GLS: variants seen among roughly 807,000 people sequenced by gnomAD.
The protein encoded by GLS is glutaminase, also known as glutaminase kidney isoform, mitochondrial.
A neutral mutation model predicts 86.7 loss-of-function variants in GLS; 36 were observed. The ratio of observed to expected loss-of-function variants is 0.42; its 90% CI spans 0.32 to 0.55. GLS has a LOEUF of 0.55. Ranked by LOEUF, GLS falls within the 20% of genes least tolerant of loss-of-function variation. The pLI, the probability that GLS is intolerant of heterozygous loss-of-function variation, is 0.17. For missense variants in GLS, 528 were observed against 833.4 expected, an observed-to-expected ratio of 0.63 and a Z score of 4.51; for synonymous variants, 317 against 305.9, an observed-to-expected ratio of 1.04 and a Z score of -0.38.
intron 7 of GLS, among the ~76,000 whole-genome samples, chr2:190,915,603 A>T (rs976726982): frequency 6.6e-6 from 1 of 152,198 alleles, no homozygotes; most frequent in Non-Finnish European, 1.5e-5. Context: ...TTTTAAGATA[A>T]GTCAGTTTCA....
chr2:190,914,979 T>G lies in GLS; in HGVS notation c.1038+4658T>G, dbSNP rs74271715. ...CAGTATTCTTCAAAGGAATGTAAATTCTGTAACTTGACAGGCATATTTACA... is the reference window on the plus strand; with the variant it reads ...CAGTATTCTTCAAAGGAATGTAAATGCTGTAACTTGACAGGCATATTTACA... On this transcript the variant is annotated intron_variant, in intron 7 of 17. Transcript: ENST00000320717. This position sits in a 1 kb window ranked among gnomAD's most constrained non-coding sequence, Gnocchi z 4.4. Among the ~76,000 whole-genome samples the G allele has an allele frequency of 7.4e-3, 1,130 of 152,240 alleles. 29 individuals are homozygous for G. The highest frequency in any genetic ancestry group is 0.053 in the East Asian group (275 of 5,188).
intron 5 of GLS, among the ~76,000 whole-genome samples, chr2:190,902,379 T>A (rs774032103): frequency 6.6e-6 from 1 of 152,192 alleles, no homozygotes; most frequent in Non-Finnish European, 1.5e-5. Context: ...CAACTTAACA[T>A]TGGTAACCCA....
intron 14 of GLS, among the ~76,000 whole-genome samples, chr2:190,940,475 C>CA (rs1357744917): frequency 6.6e-6 from 1 of 151,826 alleles, no homozygotes; most frequent in African/African-American, 2.4e-5. Flanking sequence ...AAAGGATAAC[C>CA]AAAAAAATAA....
intron 14 of GLS, chr2:190,933,936 T>C: frequency 1.1e-6 from 1 of 915,950 alleles, no homozygotes; most frequent in Non-Finnish European, 1.3e-6. Context: ...AAAAATGCAA[T>C]ATTGAGAATC....
At chr2:190,912,696 G>A (rs780294346) in intron 7 of GLS, among the ~76,000 whole-genome samples, 10 of 152,202 alleles carry the variant, frequency 6.6e-5, no homozygotes, top group Admixed American at 5.9e-4. Context: ...GATACTCAAT[G>A]TGCTGTTCAT....
intron 1 of GLS, among the ~76,000 whole-genome samples, chr2:190,893,556 A>G (rs573742041): frequency 1.3e-5 from 2 of 152,312 alleles, no homozygotes; most frequent in East Asian, 3.9e-4. Context: ...TAAGTGATCA[A>G]TATATTGTAG....
rs1210452443 is a variant in GLS, at chr2:190,954,615, C to T, written c.1744C>T (p.Arg582Trp). Reference protein sequence around the residue: ...FALSAMDMEQRDYDSRTALHV... With the variant: ...FALSAMDMEQWDYDSRTALHV... ...TTTGTCAGCTATGGACATGGAACAG[C>T]GGGACTATGATTCTAGAACAGCACT... The change falls in exon 16 of 18, where the codon CGG (arginine) becomes TGG (tryptophan). Residue 582 changes from arginine (R) to tryptophan (W), a missense_variant. By Grantham distance (101) the Arg-to-Trp change is moderately radical. Coordinates refer to ENST00000320717, the MANE Select transcript of GLS (RefSeq NM_014905.5). The surrounding 1 kb of genome is among the most constrained non-coding windows in gnomAD (Gnocchi z 4.0). 3 of 1,612,654 alleles carry T rather than the reference C, an allele frequency of 1.9e-6. No individual in the cohort carries two copies. Among genetic ancestry groups the T allele is most frequent in the Non-Finnish European group, 2.5e-6 (3 of 1,178,906 alleles).
chr2:190,941,328 G>A (rs1390460562), intron 14 of GLS, among the ~76,000 whole-genome samples: 3 of 152,080 alleles, frequency 2.0e-5, no homozygotes, highest in African/African-American at 4.8e-5. Flanking sequence ...GCCATATGAT[G>A]CTATTTTTGT....
chr2:190,926,792 C>T (rs1689908895), intron 11 of GLS, among the ~76,000 whole-genome samples: 1 of 152,132 alleles, frequency 6.6e-6, no homozygotes, highest in Non-Finnish European at 1.5e-5. Context: ...CCCCTTTTTC[C>T]TTTGCCTGTT....
Position 190,918,937 on chromosome 2 carries a change from A to T in GLS, c.1039-2087A>T, listed in dbSNP as rs116568510. Among the ~76,000 whole-genome samples, 815 of 152,208 alleles carry T rather than the reference A, an allele frequency of 5.4e-3. 8 individuals carry two copies. Among genetic ancestry groups the T allele is most frequent in the African/African-American group, 0.019 (772 of 41,548 alleles). ...ATTTATAGGTTAAGTTGGCCATCTT[A>T]TATGGACATGGCTTGTGGTACCCCA... On this transcript the variant is annotated intron_variant, in intron 7 of 17. Transcript: ENST00000320717.
At chr2:190,919,490 T>C (rs547855464) in intron 7 of GLS, 4 of 152,396 alleles carry the variant, frequency 2.6e-5, no homozygotes, top group South Asian at 2.1e-4. Context: ...TTATTTTACA[T>C]TGATTGTTTA....
In GLS at chr2:190,965,460, G is replaced by C. The variant is rs1489455527; in HGVS notation, c.*2474G>C. The C allele has an allele frequency of 6.6e-6, 1 of 152,534 alleles. No individual in the cohort carries two copies. Among genetic ancestry groups the C allele is most frequent in the Non-Finnish European group, 1.5e-5 (1 of 68,034 alleles). 9.4% of individuals were successfully genotyped at this position (152,534 alleles called of 1,614,324 possible). On this transcript the variant is annotated 3_prime_UTR_variant, in exon 18 of 18. Transcript: ENST00000320717. This position sits in a 1 kb window ranked among gnomAD's most constrained non-coding sequence, Gnocchi z 5.0. ...GAATCTAATCTTAAAACTACAAGTT[G>C]TAAGTATTCTGAAATTGGGAAACAT...
Position 190,905,938 on chromosome 2 carries a change from T to A in GLS, c.979+771T>A, listed in dbSNP as rs577259891. On this transcript the variant is annotated intron_variant, in intron 6 of 17. Transcript: ENST00000320717. This position sits in a 1 kb window ranked among gnomAD's most constrained non-coding sequence, Gnocchi z 4.6. ...AGTAATGGCTGTGAGAGATACACTT[T>A]TGTACTTTTTTTTTCTGCTGTATAA... Among the ~76,000 whole-genome samples, 1 of 152,128 alleles carries A rather than the reference T, an allele frequency of 6.6e-6. No individual in the cohort carries two copies. Among genetic ancestry groups the A allele is most frequent in the African/African-American group, 2.4e-5 (1 of 41,452 alleles).
At chr2:190,932,832 T>C in intron 14 of GLS, 1 of 1,573,234 alleles carries the variant, frequency 6.4e-7, no homozygotes, top group South Asian at 1.2e-5. Flanking sequence ...CTGTAGTATA[T>C]AGAATGGAAA....
intron 14 of GLS, among the ~76,000 whole-genome samples, chr2:190,936,956 CA>C (rs945910102): frequency 6.6e-5 from 10 of 151,206 alleles, no homozygotes; most frequent in African/African-American, 2.4e-4. Flanking sequence ...GATTTCTTCT[CA>C]ATTACTTCTC....
At chr2:190,961,409 CT>C (rs1390277689) in intron 17 of GLS, among the ~76,000 whole-genome samples, 1 of 152,190 alleles carries the variant, frequency 6.6e-6, no homozygotes, top group Non-Finnish European at 1.5e-5. Flanking sequence ...GTTGGTCATT[CT>C]GGTCTTGAAC....
At chr2:190,894,609 T>C (rs1267288773) in intron 1 of GLS, among the ~76,000 whole-genome samples, 1 of 152,218 alleles carries the variant, frequency 6.6e-6, no homozygotes, top group Non-Finnish European at 1.5e-5. Context: ...GGTTAATTAA[T>C]TTACCCAAGG....
rs1394968035 is a variant in GLS at position 190,905,489 on chromosome 2, A to G, written c.979+322A>G. On this transcript the variant is annotated intron_variant, in intron 6 of 17. Transcript: ENST00000320717. This position sits in a 1 kb window ranked among gnomAD's most constrained non-coding sequence, Gnocchi z 4.6. ...GGGAGTGCTGGGTATGATTATTACT[A>G]TATGTTGGTAATTATTGCAGCTAAA... Among the ~76,000 whole-genome samples, 3 of 152,036 alleles carry G rather than the reference A, an allele frequency of 2.0e-5. No homozygotes were observed. The highest frequency in any genetic ancestry group is 4.8e-5 in the African/African-American group (2 of 41,416).
chr2:190,887,661 C>A (rs556378069), intron 1 of GLS, among the ~76,000 whole-genome samples: 61 of 152,120 alleles, frequency 4.0e-4, no homozygotes, highest in African/African-American at 1.4e-3. Flanking sequence ...CTATGAGGAA[C>A]TTACAAAGTA....
Sources: allele counts gnomAD v4.1 joint callset (sites outside exome capture counted in the v4.1 genomes callset), GRCh38; gene constraint gnomAD v4.1.1; non-coding constraint Gnocchi (gnomAD v3.1); transcripts MANE v1.5; gene names NCBI Gene and HGNC (gene_info 2026-07-23, HGNC 2026-07-21).